The following ASTN2 variants were observed in gnomAD, a reference collection of about 807,000 sequenced individuals.
ASTN2 encodes the protein astrotactin-2.
In ASTN2, 54 loss-of-function variants were observed where a neutral mutation model predicts 139.8. The observed-to-expected ratio is 0.39, with a 90% CI of 0.31 to 0.48. The LOEUF (loss-of-function observed/expected upper bound fraction) is 0.48. Among genes scored for constraint, ASTN2 ranks in the 20% least tolerant of loss-of-function variants. ASTN2 has a pLI of 0.95. For missense variants in ASTN2, 1,565 were observed against 1,725.1 expected (o/e 0.91, Z 1.64); for synonymous variants, 756 against 719.5 (o/e 1.05, Z -0.81).
intron 10 of ASTN2, among the ~76,000 whole-genome samples, chr9:116,964,701 G>T (rs2132509120): frequency 6.6e-6 from 1 of 152,298 alleles, no homozygotes; most frequent in East Asian, 1.9e-4. Flanking sequence ...TTTGTTCATA[G>T]CTTTTAAATA....
Position 117,060,492 on chromosome 9 carries a change from A to AAT in ASTN2, c.1277-20528_1277-20527insAT, listed in dbSNP as rs1839249054. On this transcript the variant is annotated intron_variant, in intron 5 of 22. Coordinates refer to ENST00000313400, the MANE Select transcript of ASTN2 (RefSeq NM_001365068.1). ...AGGAAGGAAGGAAGGAAGGAATGAA[A>AAT]GAAAGAAAGAAAGAAAGAAAGGAAG... Among the ~76,000 whole-genome samples the AAT allele has an allele frequency of 2.8e-3, 211 of 74,424 alleles. 27 individuals are homozygous for AAT. Among genetic ancestry groups the AAT allele is most frequent in the African/African-American group, 0.013 (200 of 15,876 alleles). The allele number at this position is 74,424 out of a possible 152,430, so 48.8% of individuals were successfully genotyped here. A position where few individuals can be genotyped will look rare whatever the true frequency, so the allele number is the denominator to read the frequency against.
At chr9:116,752,868 A>C (rs1473310331) in intron 13 of ASTN2, among the ~76,000 whole-genome samples, 1 of 151,406 alleles carries the variant, frequency 6.6e-6, no homozygotes, top group Non-Finnish European at 1.5e-5. Flanking sequence ...TAACAACAAC[A>C]AATGCTGGCA....
In ASTN2 at chr9:116,680,034, T is replaced by C. The variant is rs1378068870; in HGVS notation, c.2807-28241A>G. On this transcript the variant is annotated intron_variant, in intron 16 of 22. Coordinates refer to ENST00000313400, the MANE Select transcript of ASTN2 (RefSeq NM_001365068.1). ...GAAATAACTAAAATCAGAGCAGAAG[T>C]GAAGGAAATAGAGACACAAAAAACC... Among the ~76,000 whole-genome samples the C allele has an allele frequency of 2.0e-5, 3 of 151,204 alleles. No homozygotes were observed. In the East Asian group the frequency reaches 5.9e-4, roughly 30 times the overall value.
At chr9:117,324,034 C>A (rs1470859325) in intron 1 of ASTN2, among the ~76,000 whole-genome samples, 1 of 152,066 alleles carries the variant, frequency 6.6e-6, no homozygotes, top group Non-Finnish European at 1.5e-5. Context: ...GAAAGAAGTG[C>A]CAATCAGCCC....
chr9:116,599,788 T>C (rs1854777857), intron 19 of ASTN2, among the ~76,000 whole-genome samples: 1 of 152,066 alleles, frequency 6.6e-6, no homozygotes, highest in Admixed American at 6.5e-5. Flanking sequence ...GAGAGGGGAA[T>C]TTTACCTCCC....
At chr9:116,901,146 A>G (rs1834000396) in intron 10 of ASTN2, among the ~76,000 whole-genome samples, 1 of 151,878 alleles carries the variant, frequency 6.6e-6, no homozygotes, top group Non-Finnish European at 1.5e-5. Flanking sequence ...TGCATTATTC[A>G]TATGGCCATT....
At chr9:116,988,065 AG>A (rs1283924323) in intron 7 of ASTN2, among the ~76,000 whole-genome samples, 8 of 152,356 alleles carry the variant, frequency 5.3e-5, no homozygotes, top group African/African-American at 1.9e-4. Context: ...TTCAGACCGC[AG>A]TTGACTGTGG....
At chr9:116,437,240 T>C (rs1368732319) in intron 22 of ASTN2, 4 of 464,590 alleles carry the variant, frequency 8.6e-6, no homozygotes, top group Admixed American at 2.4e-5. Context: ...GTCCTTATCA[T>C]GTTATAGGTG....
chr9:116,953,879 C>T (rs1835635082), intron 10 of ASTN2, among the ~76,000 whole-genome samples: 1 of 152,166 alleles, frequency 6.6e-6, no homozygotes, highest in African/African-American at 2.4e-5. Flanking sequence ...ATCCATCAGT[C>T]ATCTGTCCAT....
chr9:116,872,777 AAAG>A (rs1833200412), intron 10 of ASTN2, among the ~76,000 whole-genome samples: 1 of 152,186 alleles, frequency 6.6e-6, no homozygotes, highest in African/African-American at 2.4e-5. Flanking sequence ...AGGGAGAAGG[AAAG>A]AATATGCTAA....
chr9:117,181,137 T>C, intron 3 of ASTN2: 1 of 801,780 alleles, frequency 1.2e-6, no homozygotes, highest in Non-Finnish European at 2.2e-6. Flanking sequence ...AAAGCTGCTG[T>C]TTGCAGCCAT....
chr9:116,844,573 T>C (rs767568825), intron 11 of ASTN2, among the ~76,000 whole-genome samples: 5 of 150,952 alleles, frequency 3.3e-5, no homozygotes, highest in Non-Finnish European at 7.4e-5. Flanking sequence ...TGAGCCTAAT[T>C]ACACCTACTC....
At chr9:117,258,843 T>G (rs1833754125) in intron 2 of ASTN2, among the ~76,000 whole-genome samples, 1 of 152,082 alleles carries the variant, frequency 6.6e-6, no homozygotes, top group South Asian at 2.1e-4. Context: ...ACCTGTATTT[T>G]CCAGTGTCAC....
At chr9:116,893,442 A>G (rs1013073336) in intron 10 of ASTN2, among the ~76,000 whole-genome samples, 3 of 152,110 alleles carry the variant, frequency 2.0e-5, no homozygotes, top group Non-Finnish European at 2.9e-5. Flanking sequence ...TGCCCACTCT[A>G]AAGCAGGAGA....
At chr9:116,669,986 G>C (rs899903676) in intron 16 of ASTN2, among the ~76,000 whole-genome samples, 3 of 151,878 alleles carry the variant, frequency 2.0e-5, no homozygotes, top group Non-Finnish European at 2.9e-5. Flanking sequence ...TGTATTTTTA[G>C]TAGAAATGGG....
chr9:116,837,069 G>T lies in ASTN2; in HGVS notation c.2041-16286C>A, dbSNP rs149389659. On this transcript the variant is annotated intron_variant, in intron 11 of 22. Transcript: ENST00000313400. Reference sequence around the variant, plus strand: ...AGGCATAGGAGGGTTGTTGGCAGAGGAATAAAGTGATTTTGTTTGCTACTT... The same window carrying T: ...AGGCATAGGAGGGTTGTTGGCAGAGTAATAAAGTGATTTTGTTTGCTACTT... 2.1e-3 allele frequency among the ~76,000 whole-genome samples: 324 copies of T among 152,186 alleles called. 2 individuals carry two copies. Among genetic ancestry groups the T allele is most frequent in the African/African-American group, 7.0e-3 (290 of 41,494 alleles).
intron 2 of ASTN2, among the ~76,000 whole-genome samples, chr9:117,266,610 AC>A (rs1049295912): frequency 1.3e-5 from 2 of 152,136 alleles, no homozygotes; most frequent in African/African-American, 4.8e-5. Flanking sequence ...AACTACACTG[AC>A]CCATGTCTAC....
chr9:117,171,565 G>A (rs1830793534), intron 3 of ASTN2, among the ~76,000 whole-genome samples: 1 of 152,052 alleles, frequency 6.6e-6, no homozygotes, highest in African/African-American at 2.4e-5. Flanking sequence ...GTCAATGGAG[G>A]GACCTGGTGG....
intron 2 of ASTN2, among the ~76,000 whole-genome samples, chr9:117,286,549 C>A (rs1436789192): frequency 6.6e-6 from 1 of 152,104 alleles, no homozygotes; most frequent in South Asian, 2.1e-4. Context: ...CTTTATCCTG[C>A]AAGTTTGCAT....
Sources: allele counts gnomAD v4.1 joint callset (sites outside exome capture counted in the v4.1 genomes callset), GRCh38; gene constraint gnomAD v4.1.1; transcripts MANE v1.5; gene names NCBI Gene and HGNC (gene_info 2026-07-23, HGNC 2026-07-21).